PRSS3: variants seen among roughly 807,000 people sequenced by gnomAD.
PRSS3 encodes the protein serine protease 3.
In PRSS3, 14 loss-of-function variants were observed where a neutral mutation model predicts 20.8. That is an observed-to-expected ratio of 0.67 (90% CI 0.44 to 1.05). PRSS3 has a LOEUF of 1.05. Ranked by LOEUF, PRSS3 falls within the 50% of genes least tolerant of loss-of-function variation. PRSS3 has a pLI of 0.00. For missense variants in PRSS3, 237 were observed against 306.4 expected (o/e 0.77, Z 1.69); for synonymous variants, 91 against 117.6 (o/e 0.77, Z 1.46).
chr9:33,787,640 A>G (rs1824465741), intron 1 of PRSS3, among the ~76,000 whole-genome samples: 1 of 152,150 alleles, frequency 6.6e-6, no homozygotes, highest in Admixed American at 6.5e-5. Context: ...CCCATGATAA[A>G]AGCTTCCTGC....
intron 1 of PRSS3, among the ~76,000 whole-genome samples, chr9:33,790,001 C>T (rs867045431): frequency 7.9e-5 from 12 of 152,098 alleles, no homozygotes; most frequent in African/African-American, 2.7e-4. Flanking sequence ...GCATAAAAAG[C>T]ACACAGAGAC....
intron 1 of PRSS3, among the ~76,000 whole-genome samples, chr9:33,764,526 A>G (rs1856179): frequency 0.22 from 33,183 of 152,162 alleles, 3,788 homozygotes; most frequent in Middle Eastern, 0.24. Flanking sequence ...AGCAAAATTC[A>G]GTCTCAAAAA....
upstream of PRSS3, among the ~76,000 whole-genome samples, chr9:33,791,570 A>T (rs747307720): frequency 1.1e-4 from 16 of 152,234 alleles, no homozygotes; most frequent in Non-Finnish European, 2.2e-4. Flanking sequence ...GAGTATCATG[A>T]AACAGATCCT....
At chr9:33,761,787 G>A (rs1352282455) in intron 1 of PRSS3, among the ~76,000 whole-genome samples, 2 of 152,156 alleles carry the variant, frequency 1.3e-5, no homozygotes, top group African/African-American at 2.4e-5. Flanking sequence ...GCTGAGGCAG[G>A]AGGATCACTT....
chr9:33,760,512 C>T (rs2118789854), intron 1 of PRSS3, among the ~76,000 whole-genome samples: 1 of 151,966 alleles, frequency 6.6e-6, no homozygotes, highest in Admixed American at 6.6e-5. Flanking sequence ...TTTGGGAGGC[C>T]GACGCTGGTG....
In PRSS3 at chr9:33,796,672, A is replaced by G. The variant is rs1303272153; in HGVS notation, c.70A>G (p.Ile24Val). ...TGTCCCCTTTGACGATGATGACAAG[A>G]TTGTTGGGGGCTACACCTGTGAGGA... ...VAVPFDDDDK[I>V]VGGYTCEENS... Residue 24 changes from isoleucine (I) to valine (V), a missense_variant, in exon 2 of 5, where the codon ATT becomes GTT. Transcript: ENST00000379405. The G allele has an allele frequency of 1.2e-6, 2 of 1,613,456 alleles. No individual in the cohort carries two copies. The highest frequency in any genetic ancestry group is 3.3e-5 in the Admixed American group (2 of 59,942).
At chr9:33,777,576 A>G (rs962565526) in intron 1 of PRSS3, among the ~76,000 whole-genome samples, 1 of 147,794 alleles carries the variant, frequency 6.8e-6, no homozygotes, top group Non-Finnish European at 1.5e-5. Context: ...GGTGGTGGGT[A>G]CCTGTAGTCC....
intron 1 of PRSS3, among the ~76,000 whole-genome samples, chr9:33,759,956 T>C (rs1823113936): frequency 6.6e-6 from 1 of 152,216 alleles, no homozygotes; most frequent in African/African-American, 2.4e-5. Context: ...AAGGAGTCTG[T>C]CTGTAAGCTT....
At chr9:33,795,004 C>T, upstream of PRSS3, 1 of 1,329,808 alleles carries the variant, frequency 7.5e-7, no homozygotes, top group Admixed American at 2.9e-5. Context: ...CTCCTTACCC[C>T]TTAGTGTTGG....
chr9:33,794,769 G>T, upstream of PRSS3: 1 of 1,550,274 alleles, frequency 6.5e-7, no homozygotes, highest in Non-Finnish European at 8.7e-7. Context: ...CCGTGAGGCT[G>T]CATAAAAAGA....
chr9:33,759,185 G>A (rs1220920678), intron 1 of PRSS3, among the ~76,000 whole-genome samples: 3 of 152,106 alleles, frequency 2.0e-5, no homozygotes, highest in African/African-American at 2.4e-5. Flanking sequence ...GGGAGGTGAC[G>A]CTGGAGAGGA....
chr9:33,762,444 T>C (rs1242275992), intron 1 of PRSS3, among the ~76,000 whole-genome samples: 1 of 152,156 alleles, frequency 6.6e-6, no homozygotes, highest in Non-Finnish European at 1.5e-5. Flanking sequence ...AATGGAGGAC[T>C]TTCAACACAG....
At chr9:33,793,878 A>G (rs568126560), upstream of PRSS3, among the ~76,000 whole-genome samples, 19 of 152,394 alleles carry the variant, frequency 1.2e-4, no homozygotes, top group Admixed American at 3.3e-4. Context: ...CTGAAAAGCA[A>G]TGTACCACTG....
chr9:33,754,055 T>C (rs1277353689), intron 1 of PRSS3, among the ~76,000 whole-genome samples: 1 of 151,888 alleles, frequency 6.6e-6, no homozygotes, highest in Non-Finnish European at 1.5e-5. Flanking sequence ...TTCTTTTCTC[T>C]CTTCTTTTCT....
chr9:33,786,480 G>A (rs372072738), intron 1 of PRSS3: 22 of 730,828 alleles, frequency 3.0e-5, no homozygotes, highest in African/African-American at 2.0e-4. Context: ...AGACTTTCCC[G>A]TCTGACCCCA....
At chr9:33,776,652 G>A (rs1288113481) in intron 1 of PRSS3, among the ~76,000 whole-genome samples, 1 of 152,056 alleles carries the variant, frequency 6.6e-6, no homozygotes, top group Non-Finnish European at 1.5e-5. Context: ...TCAATAAATG[G>A]TGCTGGAAAA....
chr9:33,798,183 A>G (rs2119141714), intron 3 of PRSS3, 101 bp downstream of exon 3: 1 of 1,577,934 alleles, frequency 6.3e-7, no homozygotes, highest in South Asian at 1.2e-5. Context: ...GGCTTAAGAC[A>G]CATTTCTAGT....
chr9:33,779,606 C>T lies in PRSS3; in HGVS notation c.-52-15140C>T, dbSNP rs536218599. Among the ~76,000 whole-genome samples, 8 of 152,182 alleles carry T rather than the reference C, an allele frequency of 5.3e-5. No homozygotes were observed. In the South Asian group the frequency reaches 1.2e-3, roughly 24 times the overall value. On this transcript the variant is annotated intron_variant, in intron 1 of 5. Coordinates refer to the PRSS3 transcript ENST00000342836. ...AAAACTGGCTGGGCGCGGTGGCTCA[C>T]GCCTGTAATCCCAGCAGTCTGGGAG...
At chr9:33,782,199 C>T (rs1824213931) in intron 1 of PRSS3, among the ~76,000 whole-genome samples, 2 of 152,312 alleles carry the variant, frequency 1.3e-5, no homozygotes, top group South Asian at 4.1e-4. Context: ...GAGACAAACC[C>T]ATGTCTGCAC....
Sources: allele counts gnomAD v4.1 joint callset (sites outside exome capture counted in the v4.1 genomes callset), GRCh38; gene constraint gnomAD v4.1.1; transcripts MANE v1.5; gene names NCBI Gene and HGNC (gene_info 2026-07-23, HGNC 2026-07-21).